Variants in TSNARE1 observed in about 807,000 individuals in gnomAD.
TSNARE1 encodes t-SNARE domain containing 1.
A neutral mutation model predicts 62.0 loss-of-function variants in TSNARE1; 49 were observed. That is an observed-to-expected ratio of 0.79 (90% CI 0.63 to 1.00). The LOEUF (loss-of-function observed/expected upper bound fraction) is 1.00. Ranked by LOEUF, TSNARE1 falls within the 50% of genes least tolerant of loss-of-function variation. The pLI, the probability that TSNARE1 is intolerant of heterozygous loss-of-function variation, is 0.00. For synonymous variants in TSNARE1, 328 were observed against 294.4 expected, an observed-to-expected ratio of 1.11 and a Z score of -1.17; for missense variants, 755 against 700.1, an observed-to-expected ratio of 1.08 and a Z score of -0.88.
intron 11 of TSNARE1, among the ~76,000 whole-genome samples, chr8:142,282,469 C>T (rs72687365): frequency 0.11 from 14,764 of 139,506 alleles, 322 homozygotes; most frequent in African/African-American, 0.21. Context: ...AAAGGGGAGG[C>T]CACTGTCTGT....
At chr8:142,304,648 TC>T (rs765374741) in intron 9 of TSNARE1, among the ~76,000 whole-genome samples, 21 of 152,268 alleles carry the variant, frequency 1.4e-4, no homozygotes, top group Non-Finnish European at 2.1e-4. Flanking sequence ...AGCTTTCACT[TC>T]CAGGGGATGG....
intron 6 of TSNARE1, among the ~76,000 whole-genome samples, chr8:142,320,354 C>T (rs1300653780): frequency 1.3e-5 from 2 of 152,060 alleles, no homozygotes; most frequent in African/African-American, 2.4e-5. Flanking sequence ...CCCTCCTGCA[C>T]CTCTGACTTC....
rs1306385190 is a variant in TSNARE1 at position 142,231,704 on chromosome 8, G to A, written c.1447-2125C>T. Among the ~76,000 whole-genome samples, 4 of 152,104 alleles carry A rather than the reference G, an allele frequency of 2.6e-5. No individual in the cohort carries two copies. In the East Asian group the frequency reaches 7.7e-4, roughly 29 times the overall value. On this transcript the variant is annotated intron_variant, in intron 12 of 13. Coordinates refer to ENST00000524325, the MANE Select transcript of TSNARE1 (RefSeq NM_145003.5). ...TTTCCCAAGCATCATCCCCCACCACGGCACAGAGGTGGGTCCCACCAACAC... is the reference window on the plus strand; with the variant it reads ...TTTCCCAAGCATCATCCCCCACCACAGCACAGAGGTGGGTCCCACCAACAC...
intron 1 of TSNARE1, among the ~76,000 whole-genome samples, chr8:142,360,430 C>T (rs1036770699): frequency 1.5e-4 from 23 of 152,220 alleles, no homozygotes; most frequent in African/African-American, 4.3e-4. Context: ...GGGGCCAGGA[C>T]GGAGGGGTGG....
chr8:142,260,979 A>AGAAAGGTAGGAGGAC (rs1563786574), intron 12 of TSNARE1, among the ~76,000 whole-genome samples: 4 of 1,290 alleles, frequency 3.1e-3, no homozygotes, highest in Non-Finnish European at 6.5e-3. Context: ...GGAGGGAGGG[A>AGAAAGGTAGGAGGAC]GGGAGGAGAG....
intron 1 of TSNARE1, among the ~76,000 whole-genome samples, chr8:142,396,288 C>T (rs779712152): frequency 1.2e-4 from 18 of 152,230 alleles, no homozygotes; most frequent in Admixed American, 7.2e-4. Context: ...GCCCTGGAAA[C>T]GCTTGACTCA....
At chr8:142,227,145 C>G (rs1260200204) in intron 13 of TSNARE1, among the ~76,000 whole-genome samples, 36 of 150,238 alleles carry the variant, frequency 2.4e-4, no homozygotes, top group South Asian at 1.9e-3. Context: ...CACCCACACC[C>G]CAGTGACAGC....
rs114531374 is a variant in TSNARE1, at chr8:142,355,220, T to C, written c.-39-457A>G. On this transcript the variant is annotated intron_variant, in intron 1 of 13. Transcript: ENST00000524325. ...CAGCCTGCCGGCATCTCTAGCTCCA[T>C]CGTCTTGAGCCGCACTCCACGGTAG... Among the ~76,000 whole-genome samples, 916 of 152,232 alleles carry C rather than the reference T, an allele frequency of 6.0e-3. 9 individuals carry two copies. The highest frequency in any genetic ancestry group is 0.021 in the African/African-American group (858 of 41,538).
rs11991993 is a variant in TSNARE1, at chr8:142,278,662, G to A, written c.1364-3799C>T. ...CACCCTTGGAGCCAGTGGCAGCTGC[G>A]GGCTGCAGACGAGGCCTGACCAGAC... On this transcript the variant is annotated intron_variant, in intron 11 of 13. Coordinates refer to ENST00000524325, the MANE Select transcript of TSNARE1 (RefSeq NM_145003.5). 2.5e-3 allele frequency: 2,475 copies of A among 985,434 alleles called. 41 individuals are homozygous for A. In the African/African-American group the frequency reaches 0.036, roughly 14 times the overall value. The allele number at this position is 985,434 out of a possible 1,614,324, so 61.0% of individuals were successfully genotyped here. A position where few individuals can be genotyped will look rare whatever the true frequency, so the allele number is the denominator to read the frequency against.
chr8:142,244,115 G>A (rs1379972375), intron 12 of TSNARE1, among the ~76,000 whole-genome samples: 1 of 152,250 alleles, frequency 6.6e-6, no homozygotes, highest in Non-Finnish European at 1.5e-5. Flanking sequence ...GAACCCGGGA[G>A]GCGGAGCTTG....
intron 12 of TSNARE1, among the ~76,000 whole-genome samples, chr8:142,262,649 T>C (rs926587316): frequency 3.9e-5 from 6 of 152,024 alleles, no homozygotes. Context: ...TCTCACAAGA[T>C]CTGGTTGTTT....
At chr8:142,249,983 G>A (rs577350182) in intron 12 of TSNARE1, among the ~76,000 whole-genome samples, 4 of 152,212 alleles carry the variant, frequency 2.6e-5, no homozygotes, top group Non-Finnish European at 5.9e-5. Context: ...CTTGGGGAGT[G>A]GGGGCCGGGG....
chr8:142,318,567 C>G lies in TSNARE1; in HGVS notation c.961G>C (p.Glu321Gln). Residue 321 changes from glutamate (E) to glutamine (Q), a missense_variant, in exon 7 of 14, where the codon GAG (glutamate) becomes CAG (glutamine). By Grantham distance (29) the Glu-to-Gln change is conservative. Transcript: ENST00000524325. Reference protein sequence around the residue: ...ASASSVKQMAELLRSSCPQER... With the variant: ...ASASSVKQMAQLLRSSCPQER... Reference sequence around the variant, plus strand: ...ACCGGGCAGGAGCTGCGCAGCAGCTCGGCCATCTGCTTCACGGAGCTGGCG... The same window carrying G: ...ACCGGGCAGGAGCTGCGCAGCAGCTGGGCCATCTGCTTCACGGAGCTGGCG... The G allele has an allele frequency of 6.2e-7, 1 of 1,613,398 alleles. No individual in the cohort carries two copies.
At chr8:142,304,061 C>A (rs562563117) in intron 9 of TSNARE1, among the ~76,000 whole-genome samples, 41 of 152,368 alleles carry the variant, frequency 2.7e-4, no homozygotes, top group African/African-American at 9.9e-4. Flanking sequence ...CTACACACCA[C>A]CCTGACACGG....
chr8:142,383,949 C>G (rs1403402908), intron 1 of TSNARE1, among the ~76,000 whole-genome samples: 1 of 152,174 alleles, frequency 6.6e-6, no homozygotes, highest in East Asian at 1.9e-4. Flanking sequence ...TGACCAAGAA[C>G]AGAGAGGGCA....
chr8:142,352,948 C>T (rs897664286), intron 2 of TSNARE1, among the ~76,000 whole-genome samples: 1 of 152,196 alleles, frequency 6.6e-6, no homozygotes, highest in Non-Finnish European at 1.5e-5. Context: ...CCTGTGTCTA[C>T]TCAGCGTCCC....
At chr8:142,233,099 T>C (rs1041088068) in intron 12 of TSNARE1, among the ~76,000 whole-genome samples, 8 of 152,180 alleles carry the variant, frequency 5.3e-5, no homozygotes, top group Non-Finnish European at 8.8e-5. Context: ...CCCCCACTCA[T>C]AGGGCTGACC....
chr8:142,304,513 C>T (rs573936615), intron 9 of TSNARE1, among the ~76,000 whole-genome samples: 2 of 152,360 alleles, frequency 1.3e-5, no homozygotes, highest in South Asian at 4.1e-4. Context: ...CAGAGCACAG[C>T]AGCTGTGCAC....
intron 9 of TSNARE1, among the ~76,000 whole-genome samples, chr8:142,312,529 G>C (rs1388722093): frequency 3.9e-5 from 6 of 152,160 alleles, no homozygotes; most frequent in Non-Finnish European, 1.5e-5. Context: ...GTCTCAAGCA[G>C]AACTTGTGTT....
Sources: gnomAD v4.1 joint callset for allele counts (sites outside exome capture counted in the v4.1 genomes callset) on GRCh38, gnomAD v4.1.1 for gene constraint, MANE v1.5 for transcripts, NCBI Gene and HGNC (gene_info 2026-07-23, HGNC 2026-07-21) for gene names.